SRBD1: variants seen among roughly 807,000 people sequenced by gnomAD.
SRBD1 encodes S1 RNA binding domain 1.
A neutral mutation model predicts 115.3 loss-of-function variants in SRBD1; 88 were observed. The ratio of observed to expected loss-of-function variants is 0.76; its 90% CI spans 0.64 to 0.91. The LOEUF (loss-of-function observed/expected upper bound fraction) is 0.91. Among genes scored for constraint, SRBD1 ranks in the 40% least tolerant of loss-of-function variants. The pLI is 0.00. For missense variants in SRBD1, 1,385 were observed against 1,177.4 expected, an observed-to-expected ratio of 1.18 and a Z score of -2.58; for synonymous variants, 509 against 407.7, an observed-to-expected ratio of 1.25 and a Z score of -2.99.
intron 19 of SRBD1, among the ~76,000 whole-genome samples, chr2:45,408,365 G>C (rs990735421): frequency 6.6e-6 from 1 of 152,200 alleles, no homozygotes; most frequent in African/African-American, 2.4e-5. Flanking sequence ...TTTTACACTT[G>C]ATCTTAGCCA....
chr2:45,586,688 G>T (rs1382320674), intron 4 of SRBD1, among the ~76,000 whole-genome samples: 1 of 150,680 alleles, frequency 6.6e-6, no homozygotes, highest in Non-Finnish European at 1.5e-5. Context: ...GGGACTACAA[G>T]CCACGCCATC....
intron 19 of SRBD1, among the ~76,000 whole-genome samples, chr2:45,399,578 A>G (rs1667238313): frequency 6.6e-6 from 1 of 152,148 alleles, no homozygotes; most frequent in African/African-American, 2.4e-5. Context: ...AGTGAAGGTA[A>G]AAGTTATAAC....
intron 18 of SRBD1, among the ~76,000 whole-genome samples, chr2:45,415,677 GGGAGGGGACGGGAGA>G (rs1558564893): frequency 9.6e-5 from 2 of 20,842 alleles, no homozygotes; most frequent in Non-Finnish European, 1.7e-4. Flanking sequence ...GGGAGGGGAG[GGGAGGGGACGGGAGA>G]GGAGAGGAGA....
chr2:45,428,605 C>A lies in SRBD1; in HGVS notation c.2050-8711G>T, dbSNP rs957096530. On this transcript the variant is annotated intron_variant, in intron 16 of 20. Transcript: ENST00000263736. ...AAATACATAAATAAATAAATAAGTT[C>A]TTTGAAACCAATAAGAACAAAGACA... Among the ~76,000 whole-genome samples the A allele has an allele frequency of 5.9e-5, 9 of 151,564 alleles. No individual in the cohort carries two copies. In the South Asian group the frequency reaches 1.5e-3, roughly 25 times the overall value.
rs750746510 is a variant in SRBD1, at chr2:45,413,127, CAT to C, written c.2498_2499del (p.Tyr833Ter). The C allele has an allele frequency of 1.2e-6, 2 of 1,613,676 alleles. No individual in the cohort carries two copies. ...CCTCAGACTTACCTCATTGCTATGTCATATGATTCTGGATGAATACAAGTTTG... is the reference window on the plus strand; with the variant it reads ...CCTCAGACTTACCTCATTGCTATGTCATGATTCTGGATGAATACAAGTTTG... ...LDQTCIHPES[Y>X]DIAMRFLSSI... On this transcript the variant is annotated frameshift_variant, in exon 19 of 21. Transcript: ENST00000263736. LOFTEE classifies it high-confidence loss of function.
At chr2:45,495,121 A>C (rs929246785) in intron 14 of SRBD1, among the ~76,000 whole-genome samples, 2 of 152,224 alleles carry the variant, frequency 1.3e-5, no homozygotes, top group Non-Finnish European at 2.9e-5. Context: ...GCAGTCTTTC[A>C]AAAGAACAGA....
chr2:45,469,174 TCTGA>T (rs979689933), intron 16 of SRBD1, among the ~76,000 whole-genome samples: 21 of 152,202 alleles, frequency 1.4e-4, no homozygotes, highest in African/African-American at 4.6e-4. Context: ...TATATTGTTT[TCTGA>T]CTGAGAGATG....
intron 10 of SRBD1, among the ~76,000 whole-genome samples, chr2:45,555,568 G>A (rs1366868513): frequency 6.9e-6 from 1 of 144,370 alleles, no homozygotes; most frequent in Non-Finnish European, 1.5e-5. Context: ...CCGGCCCACT[G>A]CAACCTCCAC....
At chr2:45,559,535 T>C (rs1672593873) in intron 10 of SRBD1, among the ~76,000 whole-genome samples, 1 of 152,174 alleles carries the variant, frequency 6.6e-6, no homozygotes, top group African/African-American at 2.4e-5. Flanking sequence ...TCATCATGGA[T>C]AAGCAGTATA....
intron 12 of SRBD1, among the ~76,000 whole-genome samples, chr2:45,548,586 AAAAG>A (rs1392926156): frequency 6.6e-6 from 1 of 152,114 alleles, no homozygotes; most frequent in African/African-American, 2.4e-5. Flanking sequence ...CAACACACCC[AAAAG>A]AAAGTATCAT....
intron 16 of SRBD1, among the ~76,000 whole-genome samples, chr2:45,466,174 A>G (rs1395884168): frequency 6.6e-6 from 1 of 152,120 alleles, no homozygotes; most frequent in Non-Finnish European, 1.5e-5. Flanking sequence ...GTGTTGAGGG[A>G]GCAGTTAGCA....
intron 14 of SRBD1, chr2:45,546,333 G>A (rs548374381): frequency 1.0e-6 from 1 of 985,458 alleles, no homozygotes; most frequent in African/African-American, 1.7e-5. Context: ...TCTCAGTTCT[G>A]AAGGGTAATG....
At chr2:45,417,415 G>A (rs1009843264) in intron 18 of SRBD1, among the ~76,000 whole-genome samples, 1 of 152,190 alleles carries the variant, frequency 6.6e-6, no homozygotes, top group East Asian at 1.9e-4. Flanking sequence ...ACCATGTTTT[G>A]GTGGATTTCA....
At chr2:45,580,086 G>C (rs868654099) in intron 6 of SRBD1, 73 bp from the exon 7 acceptor site, 2 of 1,274,806 alleles carry the variant, frequency 1.6e-6, no homozygotes, top group African/African-American at 3.0e-5. Context: ...TACAAAATTA[G>C]AGGACATGCT....
At chr2:45,528,327 G>C (rs969362521) in intron 14 of SRBD1, among the ~76,000 whole-genome samples, 2 of 151,704 alleles carry the variant, frequency 1.3e-5, no homozygotes, top group African/African-American at 4.8e-5. Context: ...AAGAAGAATG[G>C]TAAACAAGAA....
At chr2:45,565,450 C>T (rs1361029503) in intron 9 of SRBD1, among the ~76,000 whole-genome samples, 1 of 152,062 alleles carries the variant, frequency 6.6e-6, no homozygotes, top group Admixed American at 6.5e-5. Flanking sequence ...TGGACGGACC[C>T]CTACTTCACG....
rs199917144 is a variant in SRBD1 at position 45,585,611 on chromosome 2, A to T, written c.812T>A (p.Leu271Gln). The T allele has an allele frequency of 6.2e-7, 1 of 1,607,946 alleles. No individual in the cohort carries two copies. The change falls in exon 5 of 21, where the codon CTA (leucine) becomes CAA (glutamine). Residue 271 changes from leucine (L) to glutamine (Q), a missense_variant. Coordinates refer to ENST00000263736, the MANE Select transcript of SRBD1 (RefSeq NM_018079.5). The part of the protein sequence containing the change: ...LREVQQTLEE[L>Q]RAVAKKVHST... ...TATTCTTTTTTAGGTTTCTTACCGT[A>T]GCTCTTCTAGGGTTTGCTGAACTTC...
intron 19 of SRBD1, among the ~76,000 whole-genome samples, chr2:45,405,983 G>C (rs1386171373): frequency 6.6e-6 from 1 of 152,118 alleles, no homozygotes; most frequent in African/African-American, 2.4e-5. Flanking sequence ...GGAGACCCCA[G>C]CAATAATACA....
Position 45,389,466 on chromosome 2 carries a change from C to G in SRBD1, c.2832G>C (p.Gly944=), listed in dbSNP as rs778524654. 6.2e-7 allele frequency: 1 copy of G among 1,614,016 alleles called. No individual in the cohort carries two copies. Among genetic ancestry groups the G allele is most frequent in the Non-Finnish European group, 8.5e-7 (1 of 1,179,940 alleles). The change falls in exon 21 of 21, where the codon GGG becomes GGC. Residue 944 remains glycine (G), a synonymous_variant. Coordinates refer to ENST00000263736, the MANE Select transcript of SRBD1 (RefSeq NM_018079.5). ...IFVDIGVGKS[G]LIPIRNVTEA... ...CTGTTACATTTCGTATGGGAATCAG[C>G]CCAGATTTCCCCACTCCTATATCCA...
Sources: gnomAD v4.1 joint callset for allele counts (sites outside exome capture counted in the v4.1 genomes callset) on GRCh38, gnomAD v4.1.1 for gene constraint, MANE v1.5 for transcripts, NCBI Gene and HGNC (gene_info 2026-07-23, HGNC 2026-07-21) for gene names.